PTN: variants seen among roughly 807,000 people sequenced by gnomAD.
PTN encodes heparin affin regulatory protein.
A neutral mutation model predicts 24.1 loss-of-function variants in PTN; 18 were observed. The observed-to-expected ratio is 0.75, with a 90% CI of 0.52 to 1.11. The LOEUF (loss-of-function observed/expected upper bound fraction) is 1.11. Ranked by LOEUF, PTN falls within the 50% of genes least tolerant of loss-of-function variation. PTN has a pLI of 0.00. For synonymous variants in PTN, 78 were observed against 68.6 expected, an observed-to-expected ratio of 1.14 and a Z score of -0.67; for missense variants, 163 against 198.8, an observed-to-expected ratio of 0.82 and a Z score of 1.08.
chr7:137,249,718 A>C (rs2128870645), intron 4 of PTN, among the ~76,000 whole-genome samples: 1 of 152,262 alleles, frequency 6.6e-6, no homozygotes, highest in South Asian at 2.1e-4. Flanking sequence ...CTCTGGACAA[A>C]TGACATTTGG....
intron 1 of PTN, among the ~76,000 whole-genome samples, chr7:137,317,603 G>A (rs935060421): frequency 5.9e-5 from 9 of 152,094 alleles, no homozygotes; most frequent in Admixed American, 3.9e-4. Context: ...TCATCCTACA[G>A]CATTTGTTGT....
chr7:137,263,344 T>C (rs1809076935), intron 1 of PTN, among the ~76,000 whole-genome samples: 1 of 152,230 alleles, frequency 6.6e-6, no homozygotes, highest in Non-Finnish European at 1.5e-5. Context: ...ACTATGTCTT[T>C]AACTACTTGC....
chr7:137,324,088 A>C (rs1018860267), intron 1 of PTN, among the ~76,000 whole-genome samples: 1 of 152,122 alleles, frequency 6.6e-6, no homozygotes, highest in African/African-American at 2.4e-5. Context: ...AGAACATAGA[A>C]TCTATTATAT....
chr7:137,320,574 G>A (rs1308935079), intron 1 of PTN, among the ~76,000 whole-genome samples: 1 of 152,060 alleles, frequency 6.6e-6, no homozygotes, highest in Non-Finnish European at 1.5e-5. Flanking sequence ...AAATAAAAAC[G>A]GGAAAAATTC....
intron 1 of PTN, among the ~76,000 whole-genome samples, chr7:137,315,616 G>A (rs530670440): frequency 3.9e-5 from 6 of 152,230 alleles, no homozygotes; most frequent in South Asian, 4.2e-4. Flanking sequence ...AGCCGGATTC[G>A]AACACCCAGG....
At chr7:137,325,400 G>C (rs1327141530) in intron 1 of PTN, 1 of 152,186 alleles carries the variant, frequency 6.6e-6, no homozygotes, top group African/African-American at 2.4e-5. Flanking sequence ...AGGATGCCTG[G>C]AGTGGGATAA....
chr7:137,302,662 T>C (rs1169418289), intron 1 of PTN, among the ~76,000 whole-genome samples: 2 of 152,022 alleles, frequency 1.3e-5, no homozygotes, highest in African/African-American at 4.8e-5. Context: ...TTAGTGCTGT[T>C]ATTGTAGTGA....
At chr7:137,324,508 G>A (rs1479074896) in intron 1 of PTN, among the ~76,000 whole-genome samples, 1 of 148,156 alleles carries the variant, frequency 6.7e-6, no homozygotes, top group Non-Finnish European at 1.5e-5. Flanking sequence ...AAAGTATGGG[G>A]CACTTTAAGA....
chr7:137,324,589 G>A (rs1263997779), intron 1 of PTN, among the ~76,000 whole-genome samples: 1 of 150,804 alleles, frequency 6.6e-6, no homozygotes, highest in Non-Finnish European at 1.5e-5. Flanking sequence ...GATTGTGTAA[G>A]CTGATGTTTT....
At chr7:137,326,310 C>T (rs564934486) in intron 1 of PTN, 5 of 152,350 alleles carry the variant, frequency 3.3e-5, no homozygotes, top group Admixed American at 1.3e-4. Context: ...TCAGCTCTTC[C>T]CCTACATTTC....
intron 1 of PTN, among the ~76,000 whole-genome samples, chr7:137,280,863 C>T (rs1035321408): frequency 1.5e-5 from 2 of 137,480 alleles, no homozygotes; most frequent in African/African-American, 5.6e-5. Context: ...CAGAGCAAGA[C>T]TTTGTCTCAA....
chr7:137,317,592 C>T (rs1810093419), intron 1 of PTN, among the ~76,000 whole-genome samples: 1 of 152,154 alleles, frequency 6.6e-6, no homozygotes, highest in Admixed American at 6.5e-5. Flanking sequence ...GTAAAATGTT[C>T]TCATCCTACA....
rs201504127 is a variant in PTN, at chr7:137,330,789, C to G, written c.-2+12650G>C. Among the ~76,000 whole-genome samples, 9 of 152,270 alleles carry G rather than the reference C, an allele frequency of 5.9e-5. No homozygotes were observed. The East Asian group carries it at 1.7e-3, about 29-fold the overall frequency. On this transcript the variant is annotated intron_variant, in intron 1 of 4. Coordinates refer to ENST00000348225, the MANE Select transcript of PTN (RefSeq NM_002825.7). ...AGAGGACCAGGTTTGCTCCACAGAG[C>G]TGGAGTGATTTCATGGGACTTTTAT... is the stretch of plus-strand genomic sequence containing the variant.
chr7:137,341,197 A>G (rs963039546), intron 1 of PTN, among the ~76,000 whole-genome samples: 10 of 152,188 alleles, frequency 6.6e-5, no homozygotes, highest in Admixed American at 5.9e-4. Context: ...TCTAAGATTG[A>G]TTTTACTAAA....
chr7:137,307,148 T>A (rs1809902298), intron 1 of PTN, among the ~76,000 whole-genome samples: 1 of 152,138 alleles, frequency 6.6e-6, no homozygotes, highest in South Asian at 2.1e-4. Flanking sequence ...TTGGTTCATG[T>A]TGACATTTTA....
chr7:137,332,751 T>C (rs1301420430), intron 1 of PTN, among the ~76,000 whole-genome samples: 1 of 152,160 alleles, frequency 6.6e-6, no homozygotes, highest in Non-Finnish European at 1.5e-5. Flanking sequence ...TGAAATCCAG[T>C]TCTTTCAAGA....
At chr7:137,333,548 A>G (rs2128883055) in intron 1 of PTN, among the ~76,000 whole-genome samples, 1 of 152,320 alleles carries the variant, frequency 6.6e-6, no homozygotes, top group Non-Finnish European at 1.5e-5. Flanking sequence ...GTCTAGTTCC[A>G]TTATGGTATG....
At chr7:137,237,838 T>C (rs952557592) in intron 4 of PTN, among the ~76,000 whole-genome samples, 2 of 152,184 alleles carry the variant, frequency 1.3e-5, no homozygotes, top group Non-Finnish European at 2.9e-5. Flanking sequence ...CAGCTTAATT[T>C]ATTACTCTTG....
intron 1 of PTN, among the ~76,000 whole-genome samples, chr7:137,293,902 C>T (rs1809679199): frequency 6.6e-6 from 1 of 151,922 alleles, no homozygotes; most frequent in African/African-American, 2.4e-5. Context: ...GTTCCACTGC[C>T]CTAAAGACTG....
Sources: gnomAD v4.1 joint callset for allele counts (sites outside exome capture counted in the v4.1 genomes callset) on GRCh38, gnomAD v4.1.1 for gene constraint, MANE v1.5 for transcripts, NCBI Gene and HGNC (gene_info 2026-07-23, HGNC 2026-07-21) for gene names.